Variants in C11orf65 observed in about 807,000 individuals in gnomAD.
The protein encoded by C11orf65 is chromosome 11 open reading frame 65.
A neutral mutation model predicts 35.3 loss-of-function variants in C11orf65; 38 were observed. The ratio of observed to expected loss-of-function variants is 1.08; its 90% CI spans 0.83 to 1.41. The LOEUF is 1.41. Ranked by LOEUF, C11orf65 falls within the 40% of genes most tolerant of loss-of-function variation. The probability of loss-of-function intolerance (pLI) is 0.00; values close to 1 mark genes in which losing one functional copy is unlikely to be tolerated. For missense variants in C11orf65, 370 were observed against 367.1 expected (o/e 1.01, Z -0.06); for synonymous variants, 105 against 114.4 (o/e 0.92, Z 0.53).
chr11:108,374,250 A>ACTGATAC (rs1209726850), intron 2 of C11orf65, among the ~76,000 whole-genome samples: 9 of 152,210 alleles, frequency 5.9e-5, no homozygotes, highest in African/African-American at 1.9e-4. Context: ...AGTGGGGCAG[A>ACTGATAC]CTGATACCTC....
At chr11:108,443,997 CA>C (rs1294209516) in intron 2 of C11orf65, among the ~76,000 whole-genome samples, 1 of 152,028 alleles carries the variant, frequency 6.6e-6, no homozygotes, top group African/African-American at 2.4e-5. Context: ...AATAGAGACA[CA>C]AAAAACCCTT....
intron 6 of C11orf65, among the ~76,000 whole-genome samples, chr11:108,397,407 A>G (rs897637830): frequency 2.0e-5 from 3 of 152,048 alleles, no homozygotes; most frequent in Admixed American, 6.6e-5. Flanking sequence ...ATGATCTTAT[A>G]TTCTTTCTAA....
At chr11:108,452,402 C>T (rs1165458837) in intron 2 of C11orf65, among the ~76,000 whole-genome samples, 1 of 152,132 alleles carries the variant, frequency 6.6e-6, no homozygotes, top group African/African-American at 2.4e-5. Context: ...TGAAAAAATG[C>T]TCATCATCAC....
chr11:108,317,652 T>TATATATATATACAC (rs1399501257), intron 6 of C11orf65: 18 of 118,372 alleles, frequency 1.5e-4, no homozygotes, highest in African/African-American at 5.0e-4. Context: ...TATATATATA[T>TATATATATATACAC]ACACACACAC....
intron 4 of C11orf65, 35 bp from the exon 5 acceptor site, chr11:108,406,998 G>A (rs374592591): frequency 1.1e-5 from 17 of 1,571,744 alleles, no homozygotes; most frequent in Admixed American, 3.4e-5. Flanking sequence ...CCATTGTAAT[G>A]TAACTACAAA....
intron 3 of C11orf65, among the ~76,000 whole-genome samples, chr11:108,415,803 C>A (rs1273769943): frequency 6.6e-6 from 1 of 152,178 alleles, no homozygotes; most frequent in Admixed American, 6.5e-5. Flanking sequence ...CAGAAATAGA[C>A]CCACACAAAC....
Position 108,312,419 on chromosome 11 carries a change from C to G in C11orf65, c.641-3348G>C, listed in dbSNP as rs1197973623. ...GTTCTTGTGACAAACAGAAGTCTTG[C>G]ATTTGAAGAAGGAAGCCAGAGTACA... On this transcript the variant is annotated intron_variant, in intron 6 of 6. Transcript: ENST00000525729. 1 of 1,590,942 alleles carries G rather than the reference C, an allele frequency of 6.3e-7. No homozygotes were observed. Among genetic ancestry groups the G allele is most frequent in the Non-Finnish European group, 8.6e-7 (1 of 1,159,282 alleles).
At chr11:108,347,468 T>A in intron 2 of C11orf65, 1 of 1,030,410 alleles carries the variant, frequency 9.7e-7, no homozygotes, top group Non-Finnish European at 1.5e-6. Context: ...GACAGATAAA[T>A]TGAAGCAGTA....
chr11:108,344,037 A>G (rs2087955540), intron 2 of C11orf65, among the ~76,000 whole-genome samples: 1 of 152,198 alleles, frequency 6.6e-6, no homozygotes, highest in Admixed American at 6.5e-5. Flanking sequence ...AAGTTCAGAG[A>G]ACTTGCCCAA....
intron 2 of C11orf65, among the ~76,000 whole-genome samples, chr11:108,338,734 C>T (rs1159641167): frequency 1.3e-5 from 2 of 151,900 alleles, no homozygotes; most frequent in East Asian, 3.9e-4. Context: ...TAAAGTAAAA[C>T]CTGTAAACAC....
Position 108,326,302 on chromosome 11 carries a change from A to G in C11orf65, c.641-17231T>C, listed in dbSNP as rs1031252118. On this transcript the variant is annotated intron_variant, in intron 6 of 6. Transcript: ENST00000525729. ...ACAAATGTACTTTAAAATATTTTTA[A>G]TAACAATTTTATTAGAGCCTTGAAA... 41 of 1,532,464 alleles carry G rather than the reference A, an allele frequency of 2.7e-5. No homozygotes were observed. The Admixed American group carries it at 7.4e-4, about 28-fold the overall frequency. The allele number at this position is 1,532,464 out of a possible 1,614,324, so 94.9% of individuals were successfully genotyped here.
rs2136122461 is a variant in C11orf65 at position 108,315,918 on chromosome 11, T to G, written c.641-6847A>C. ...TGTTACAACCCATTACTAGGTAAAT[T>G]GCATTTTTCTAAACAACGGTATAGT... On this transcript the variant is annotated intron_variant, in intron 6 of 6. Transcript: ENST00000525729. 1 of 1,609,446 alleles carries G rather than the reference T, an allele frequency of 6.2e-7. No homozygotes were observed. The highest frequency in any genetic ancestry group is 1.1e-5 in the South Asian group (1 of 90,974).
intron 3 of C11orf65, among the ~76,000 whole-genome samples, chr11:108,410,515 G>C (rs984456258): frequency 3.3e-5 from 5 of 151,932 alleles, no homozygotes; most frequent in Non-Finnish European, 7.4e-5. Context: ...CATCGTGACA[G>C]GCTAATTTTT....
chr11:108,320,013 G>C lies in C11orf65; in HGVS notation c.641-10942C>G, dbSNP rs2085084255. Reference sequence around the variant, plus strand: ...TTGTACAATGCTCTACAATCTCTAAGAGACAGAGAATTCTCTACATTTTAT... The same window carrying C: ...TTGTACAATGCTCTACAATCTCTAACAGACAGAGAATTCTCTACATTTTAT... On this transcript the variant is annotated intron_variant, in intron 6 of 6. Transcript: ENST00000525729. 6.2e-7 allele frequency: 1 copy of C among 1,612,030 alleles called. No individual in the cohort carries two copies. Among genetic ancestry groups the C allele is most frequent in the East Asian group, 2.2e-5 (1 of 44,746 alleles).
chr11:108,459,937 T>G (rs976165165), intron 2 of C11orf65, among the ~76,000 whole-genome samples: 2 of 152,050 alleles, frequency 1.3e-5, no homozygotes, highest in Non-Finnish European at 2.9e-5. Flanking sequence ...CTAGATGATG[T>G]GTATGTCAAT....
chr11:108,353,730 TCA>T, intron 2 of C11orf65: 1 of 1,514,242 alleles, frequency 6.6e-7, no homozygotes, highest in Non-Finnish European at 9.2e-7. Flanking sequence ...AAATTAGCTG[TCA>T]AACCTCCTAA....
At chr11:108,467,989 C>A (rs2093558082), upstream of C11orf65, among the ~76,000 whole-genome samples, 2 of 151,980 alleles carry the variant, frequency 1.3e-5, no homozygotes, top group South Asian at 2.1e-4. Context: ...CCACGCCAGG[C>A]TCATTTTTCT....
At chr11:108,443,590 G>A (rs1034210868) in intron 2 of C11orf65, among the ~76,000 whole-genome samples, 1 of 152,150 alleles carries the variant, frequency 6.6e-6, no homozygotes, top group South Asian at 2.1e-4. Context: ...CTCAGCAAAT[G>A]TAAAAGAACA....
chr11:108,341,010 T>A lies in C11orf65; in HGVS notation c.227-5718A>T, dbSNP rs192174853. ...TGCAGAGGGCCAGCTGTATTCCATT[T>A]TCCTGTTCAGAACCCCACATGAGTT... On this transcript the variant is annotated intron_variant, in intron 2 of 3. Transcript: ENST00000524755. Among the ~76,000 whole-genome samples the A allele has an allele frequency of 4.1e-3, 628 of 152,168 alleles. 1 individual carries two copies. The highest frequency in any genetic ancestry group is 6.9e-3 in the Non-Finnish European group (472 of 68,012).
Sources: allele counts gnomAD v4.1 joint callset (sites outside exome capture counted in the v4.1 genomes callset), GRCh38; gene constraint gnomAD v4.1.1; transcripts MANE v1.5; gene names NCBI Gene and HGNC (gene_info 2026-07-23, HGNC 2026-07-21).